The following NACC2 variants were observed in gnomAD, a reference collection of about 807,000 sequenced individuals.
The protein encoded by NACC2 is nucleus accumbens-associated protein 2.
A neutral mutation model predicts 25.1 loss-of-function variants in NACC2; 8 were observed. That is an observed-to-expected ratio of 0.32 (90% confidence interval 0.19 to 0.57). The LOEUF is 0.57. NACC2 is among the 20% of genes least tolerant of loss of function. NACC2 has a pLI of 0.89. For missense variants in NACC2, 644 were observed against 650.2 expected (o/e 0.99, Z 0.10); for synonymous variants, 435 against 294.7 (o/e 1.48, Z -4.88).
intron 2 of NACC2, among the ~76,000 whole-genome samples, chr9:136,027,084 G>C (rs1840403524): frequency 6.6e-6 from 1 of 152,158 alleles, no homozygotes; most frequent in Admixed American, 6.5e-5. Context: ...GAAACAGCCG[G>C]TGTGGTGGCA....
At chr9:136,045,941 C>CG (rs1840716553) in intron 2 of NACC2, among the ~76,000 whole-genome samples, 1 of 152,148 alleles carries the variant, frequency 6.6e-6, no homozygotes, top group Non-Finnish European at 1.5e-5. Context: ...GCTGCCTTGC[C>CG]GGGGAAGCCC....
chr9:136,073,745 G>T (rs892458087), intron 1 of NACC2, among the ~76,000 whole-genome samples: 6 of 152,188 alleles, frequency 3.9e-5, no homozygotes, highest in African/African-American at 1.4e-4. Context: ...GGCACAATTT[G>T]CTCAGTTTCA....
intron 3 of NACC2, 34 bp downstream of exon 3, chr9:136,016,231 T>A: frequency 1.2e-6 from 2 of 1,609,058 alleles, no homozygotes; most frequent in East Asian, 2.2e-5. Flanking sequence ...ATGAGGACAT[T>A]TGCATACAAT....
intron 1 of NACC2, among the ~76,000 whole-genome samples, chr9:136,085,358 A>T (rs371313320): frequency 1.6e-3 from 237 of 150,996 alleles, no homozygotes; most frequent in African/African-American, 5.2e-3. Context: ...GTGCACAAAA[A>T]TTTTTTTTAA....
At chr9:136,093,877 G>T (rs900447391) in intron 1 of NACC2, among the ~76,000 whole-genome samples, 1 of 152,204 alleles carries the variant, frequency 6.6e-6, no homozygotes. Context: ...CTGCTGGGGG[G>T]TGCTACAGGC....
chr9:136,061,465 G>A (rs1841009340), intron 1 of NACC2, among the ~76,000 whole-genome samples: 1 of 152,218 alleles, frequency 6.6e-6, no homozygotes, highest in South Asian at 2.1e-4. Context: ...TGACCATTGA[G>A]GGGCCCATGG....
At position 136,080,353 on chromosome 9, in the gene NACC2, G is replaced by C. The variant is rs7852302; in HGVS notation, c.-60+14836C>G. Among the ~76,000 whole-genome samples, 1,444 of 152,224 alleles carry C rather than the reference G, an allele frequency of 9.5e-3. 21 individuals are homozygous for C. The highest frequency in any genetic ancestry group is 0.032 in the African/African-American group (1,344 of 41,534). On this transcript the variant is annotated intron_variant, in intron 1 of 5. Coordinates refer to ENST00000277554, the MANE Select transcript of NACC2 (RefSeq NM_144653.5). ...TCAGGGCATCCAAAACCCAACCCAG[G>C]TTCTAGGAAAATCCGCCCAGCAGCC...
chr9:136,061,895 G>A lies in NACC2; in HGVS notation c.-59-11315C>T, dbSNP rs551793786. On this transcript the variant is annotated intron_variant, in intron 1 of 5. Transcript: ENST00000277554. ...AGCACTTTGGGAGGCCAAGGCGGGCGGATCACCTGAGGTCAGGAGTTCGAG... is the reference window on the plus strand; with the variant it reads ...AGCACTTTGGGAGGCCAAGGCGGGCAGATCACCTGAGGTCAGGAGTTCGAG... Among the ~76,000 whole-genome samples, 4 of 146,196 alleles carry A rather than the reference G, an allele frequency of 2.7e-5. No homozygotes were observed. In the South Asian group the frequency reaches 6.3e-4, roughly 23 times the overall value.
At chr9:136,082,220 A>G (rs1195834993) in intron 1 of NACC2, among the ~76,000 whole-genome samples, 1 of 152,036 alleles carries the variant, frequency 6.6e-6, no homozygotes, top group Non-Finnish European at 1.5e-5. Flanking sequence ...CAGGGTCTTC[A>G]CCCTCAGGAC....
At chr9:136,024,503 A>ATGTATGTGTG (rs1554736591) in intron 2 of NACC2, among the ~76,000 whole-genome samples, 3 of 124,764 alleles carry the variant, frequency 2.4e-5, no homozygotes, top group South Asian at 5.9e-4. Flanking sequence ...TGAGGACAGA[A>ATGTATGTGTG]TGTGTGTGTG....
intron 1 of NACC2, among the ~76,000 whole-genome samples, chr9:136,088,466 C>T (rs1830401740): frequency 1.3e-5 from 2 of 152,152 alleles, no homozygotes; most frequent in Non-Finnish European, 2.9e-5. Flanking sequence ...TGCAAAGCCA[C>T]AGTGGTCAGT....
intron 1 of NACC2, among the ~76,000 whole-genome samples, chr9:136,057,842 G>A (rs1042433054): frequency 4.3e-4 from 65 of 152,312 alleles, no homozygotes; most frequent in African/African-American, 1.5e-3. Flanking sequence ...GGAAGCGGTC[G>A]GATCCCAGGC....
chr9:136,058,123 G>A (rs1482474592), intron 1 of NACC2, among the ~76,000 whole-genome samples: 2 of 152,158 alleles, frequency 1.3e-5, no homozygotes, highest in East Asian at 1.9e-4. Flanking sequence ...GCCCAATGAC[G>A]CCTGGAGCCA....
intron 1 of NACC2, among the ~76,000 whole-genome samples, chr9:136,082,231 C>T (rs1830331554): frequency 6.6e-6 from 1 of 152,206 alleles, no homozygotes; most frequent in Non-Finnish European, 1.5e-5. Flanking sequence ...CCCTCAGGAC[C>T]ATCGGTGTGG....
chr9:136,090,413 T>G (rs564944378), intron 1 of NACC2, among the ~76,000 whole-genome samples: 1 of 151,976 alleles, frequency 6.6e-6, no homozygotes, highest in Non-Finnish European at 1.5e-5. Context: ...AGAAGGTAAC[T>G]CCTCCAGAAA....
chr9:136,090,285 C>A (rs953377091), intron 1 of NACC2, among the ~76,000 whole-genome samples: 3 of 152,190 alleles, frequency 2.0e-5, no homozygotes, highest in African/African-American at 7.2e-5. Flanking sequence ...AGATGTGGGA[C>A]AACTTCCTTC....
At chr9:136,027,372 A>C (rs1038208243) in intron 2 of NACC2, among the ~76,000 whole-genome samples, 1 of 152,252 alleles carries the variant, frequency 6.6e-6, no homozygotes, top group Non-Finnish European at 1.5e-5. Context: ...TGTGGCCAAC[A>C]CAAGATAAAA....
chr9:136,013,179 A>T lies in NACC2; in HGVS notation c.1255+20T>A. On this transcript the variant is annotated intron_variant, in intron 5 of 5. Transcript: ENST00000277554. This position sits in a 1 kb window ranked among gnomAD's most constrained non-coding sequence, Gnocchi z 6.6. The stretch of plus-strand genomic sequence containing the variant: ...ACCCAGCCCCGGCCCCACCCACCCG[A>T]GAGACCCCCAGGCTCTTACATTTCA... 1.9e-6 allele frequency: 1 copy of T among 537,908 alleles called. No individual in the cohort carries two copies. The highest frequency in any genetic ancestry group is 3.4e-6 in the Non-Finnish European group (1 of 290,666). The allele number at this position is 537,908 out of a possible 1,614,324, so 33.3% of individuals were successfully genotyped here.
chr9:136,007,291 T>C lies in NACC2; in HGVS notation c.*4225A>G, dbSNP rs1840028013. 1 of 154,412 alleles carries C rather than the reference T, an allele frequency of 6.5e-6. No homozygotes were observed. Among genetic ancestry groups the C allele is most frequent in the Admixed American group, 6.5e-5 (1 of 15,284 alleles). The allele number at this position is 154,412 out of a possible 1,614,324, so 9.6% of individuals were successfully genotyped here. On this transcript the variant is annotated 3_prime_UTR_variant, in exon 6 of 6. Transcript: ENST00000277554. Reference sequence around the variant, plus strand: ...AACAAACACGAAAAACCTTTGCCATTTTAGAACCATCTTGTACCAAACCCT... The same window carrying C: ...AACAAACACGAAAAACCTTTGCCATCTTAGAACCATCTTGTACCAAACCCT...
Sources: allele counts gnomAD v4.1 joint callset (sites outside exome capture counted in the v4.1 genomes callset), GRCh38; gene constraint gnomAD v4.1.1; non-coding constraint Gnocchi (gnomAD v3.1); transcripts MANE v1.5; gene names NCBI Gene and HGNC (gene_info 2026-07-23, HGNC 2026-07-21).